Variants in DNAH9 observed in about 807,000 individuals in gnomAD.
DNAH9 encodes the protein dynein axonemal heavy chain 9, also known as DNAH9 variant protein.
In DNAH9, 345 loss-of-function variants were observed where a neutral mutation model predicts 471.6. The observed-to-expected ratio is 0.73, with a 90% CI of 0.67 to 0.80. The LOEUF is 0.80. Among genes scored for constraint, DNAH9 ranks in the 30% least tolerant of loss-of-function variants. The pLI is 0.00. For synonymous variants in DNAH9, 2,093 were observed against 2,123.6 expected (o/e 0.99, Z 0.40); for missense variants, 5,407 against 5,609.2 (o/e 0.96, Z 1.15).
chr17:11,674,938 C>T (rs1255730396), intron 17 of DNAH9, among the ~76,000 whole-genome samples: 1 of 152,110 alleles, frequency 6.6e-6, no homozygotes, highest in African/African-American at 2.4e-5. Flanking sequence ...TCATTTTCAT[C>T]AAGAATATCT....
At chr17:11,740,587 A>C (rs1237598734) in intron 29 of DNAH9, among the ~76,000 whole-genome samples, 2 of 152,256 alleles carry the variant, frequency 1.3e-5, no homozygotes, top group Admixed American at 6.5e-5. Context: ...CATTTAGTCC[A>C]TAACACATAC....
intron 28 of DNAH9, among the ~76,000 whole-genome samples, chr17:11,738,201 G>A (rs890998190): frequency 6.6e-6 from 1 of 152,154 alleles, no homozygotes; most frequent in African/African-American, 2.4e-5. Context: ...GCATGGTGAA[G>A]CTCAAATGAG....
In DNAH9 at chr17:11,834,803, G is replaced by T; in HGVS notation, c.9412G>T (p.Glu3138Ter). ...GCAGAAGGTGGCCGTCATCATGCTA[G>T]AGGTGAAACAGAAGCAGAAGGACTG... ...EEQKVAVIML[E>*]VKQKQKDCEE... The change falls in exon 49 of 69, where the codon GAG (glutamate) becomes TAG (stop). Residue 3138 changes from glutamate to a stop codon, truncating the protein, a stop_gained. Coordinates refer to ENST00000262442, the MANE Select transcript of DNAH9 (RefSeq NM_001372.4). LOFTEE classifies it high-confidence loss of function. 1 of 1,614,146 alleles carries T rather than the reference G, an allele frequency of 6.2e-7. No homozygotes were observed. The highest frequency in any genetic ancestry group is 8.5e-7 in the Non-Finnish European group (1 of 1,180,050).
intron 9 of DNAH9, among the ~76,000 whole-genome samples, chr17:11,638,170 C>G (rs1345583568): frequency 6.6e-6 from 1 of 152,086 alleles, no homozygotes; most frequent in African/African-American, 2.4e-5. Flanking sequence ...GAGGATTGCT[C>G]TGCTTGCAAG....
intron 28 of DNAH9, among the ~76,000 whole-genome samples, chr17:11,730,350 G>A (rs2075236850): frequency 6.6e-6 from 1 of 152,140 alleles, no homozygotes; most frequent in South Asian, 2.1e-4. Context: ...TGCTCTCCTG[G>A]AGAGCTGGTT....
At chr17:11,775,884 G>A (rs994426636) in intron 38 of DNAH9, among the ~76,000 whole-genome samples, 1 of 152,106 alleles carries the variant, frequency 6.6e-6, no homozygotes, top group Admixed American at 6.6e-5. Context: ...GAGCCACCGC[G>A]CCGGGCCAAT....
chr17:11,732,089 A>C (rs1433278012), intron 28 of DNAH9, among the ~76,000 whole-genome samples: 3 of 152,186 alleles, frequency 2.0e-5, no homozygotes, highest in Non-Finnish European at 4.4e-5. Flanking sequence ...ACAATGTACT[A>C]ATCAATGAGG....
chr17:11,879,277 G>A (rs992073090), intron 53 of DNAH9, among the ~76,000 whole-genome samples: 8 of 151,980 alleles, frequency 5.3e-5, no homozygotes, highest in African/African-American at 1.7e-4. Context: ...ATTGGTATAT[G>A]CTGTCCTTTA....
At chr17:11,673,601 G>GTTTT (rs59481227) in intron 17 of DNAH9, among the ~76,000 whole-genome samples, 33 of 131,012 alleles carry the variant, frequency 2.5e-4, no homozygotes, top group African/African-American at 2.5e-4. Flanking sequence ...GTTTATATTT[G>GTTTT]TTTTTTTTTT....
In DNAH9 at chr17:11,810,344, G is replaced by T. The variant is rs572137474; in HGVS notation, c.8682G>T (p.Val2894=). The T allele has an allele frequency of 3.1e-6, 5 of 1,612,922 alleles. No individual in the cohort carries two copies. In the African/African-American group the frequency reaches 5.3e-5, roughly 17 times the overall value. The part of the protein sequence containing the change: ...DAQVADERFL[V]LINDLLASGE... ...AAGTGGCTGATGAGAGGTTCCTTGT[G>T]CTCATCAATGATCTTTTGGCATCTG... Residue 2894 remains valine (V), a synonymous_variant, in exon 45 of 69, where the codon GTG becomes GTT. Transcript: ENST00000262442.
chr17:11,909,946 T>C (rs1366667536), intron 61 of DNAH9, among the ~76,000 whole-genome samples: 1 of 152,188 alleles, frequency 6.6e-6, no homozygotes, highest in Non-Finnish European at 1.5e-5. Flanking sequence ...CATCATTTAC[T>C]TTCTGTCTCT....
chr17:11,669,790 C>A lies in DNAH9; in HGVS notation c.3349C>A (p.His1117Asn). The A allele has an allele frequency of 6.2e-7, 1 of 1,613,028 alleles. No homozygotes were observed. The highest frequency in any genetic ancestry group is 8.5e-7 in the Non-Finnish European group (1 of 1,179,304). ...FKQHLVDHVT[H>N]SLANLDAFIK... ...ACAGCATCTTGTGGACCACGTCACT[C>A]ACAGGTACAACAGTTGTTTTCACTT... Residue 1117 changes from histidine to asparagine, a missense_variant, in exon 17 of 69, where the codon CAC becomes AAC. Physicochemically the swap from His to Asn is moderately conservative, Grantham distance 68. Around this residue, in one of 3 missense-constraint regions of DNAH9, gnomAD observed 4,636 missense variants for 4,900.3 expected, o/e 0.95. Transcript: ENST00000262442.
Position 11,752,963 on chromosome 17 carries a change from A to T in DNAH9, c.6738+3A>T. On this transcript the variant is annotated splice_donor_region_variant and intron_variant, in intron 33 of 68. Coordinates refer to ENST00000262442, the MANE Select transcript of DNAH9 (RefSeq NM_001372.4). ...ATACTGTCATGGATGATAACAAGGT[A>T]TGAAATTGGGGGATATCCCTAGATC... 6.3e-7 allele frequency: 1 copy of T among 1,585,990 alleles called. No homozygotes were observed. Among genetic ancestry groups the T allele is most frequent in the Non-Finnish European group, 8.6e-7 (1 of 1,167,108 alleles).
chr17:11,853,227 G>C (rs1971497020), intron 49 of DNAH9: 1 of 152,034 alleles, frequency 6.6e-6, no homozygotes, highest in Non-Finnish European at 1.5e-5. Context: ...CAGAAAATTA[G>C]AATTCCCTAC....
At chr17:11,958,557 T>C (rs1475464352) in intron 67 of DNAH9, among the ~76,000 whole-genome samples, 1 of 152,054 alleles carries the variant, frequency 6.6e-6, no homozygotes, top group Non-Finnish European at 1.5e-5. Flanking sequence ...AACCCTACGG[T>C]AAACTACGGA....
At position 11,756,653 on chromosome 17, in the gene DNAH9, CT is replaced by C; in HGVS notation, c.6825del (p.Pro2276GlnfsTer23). The C allele has an allele frequency of 1.9e-6, 3 of 1,611,338 alleles. No homozygotes were observed. The highest frequency in any genetic ancestry group is 2.5e-6 in the Non-Finnish European group (3 of 1,177,478). On this transcript the variant is annotated frameshift_variant, in exon 34 of 69. Transcript: ENST00000262442. LOFTEE classifies it high-confidence loss of function. The stretch of plus-strand genomic sequence containing the variant: ...GAGATCAGCCACCTGCGCACAGCCA[CT>C]CCAGCAACTGTCTCTAGAGCAGGTA... ...LFEISHLRTA[T>X]PATVSRAGIL...
intron 36 of DNAH9, 141 bp from the exon 37 acceptor site, chr17:11,768,311 TG>T (rs1254926633): frequency 5.9e-6 from 5 of 840,418 alleles, no homozygotes; most frequent in African/African-American, 3.4e-5. Context: ...GCTGCCTTCC[TG>T]GAGGAGCTGG....
At chr17:11,860,554 T>C (rs1971806475) in intron 50 of DNAH9, among the ~76,000 whole-genome samples, 1 of 152,088 alleles carries the variant, frequency 6.6e-6, no homozygotes, top group African/African-American at 2.4e-5. Context: ...TTGTGTTTTG[T>C]TTTTTGTTGT....
chr17:11,945,298 A>G (rs1242839836), intron 67 of DNAH9, among the ~76,000 whole-genome samples: 1 of 152,070 alleles, frequency 6.6e-6, no homozygotes. Context: ...GCTCTTTGGG[A>G]GGCCGAGGCA....
Sources: allele counts gnomAD v4.1 joint callset (sites outside exome capture counted in the v4.1 genomes callset), GRCh38; gene constraint gnomAD v4.1.1; regional missense constraint gnomAD v4.1.1; transcripts MANE v1.5; gene names NCBI Gene and HGNC (gene_info 2026-07-23, HGNC 2026-07-21).